Variants in CTNNA3 observed in about 807,000 individuals in gnomAD.
The protein encoded by CTNNA3 is catenin alpha-3.
Under a neutral mutation model 95.7 loss-of-function variants are expected in CTNNA3, and 76 were observed. The ratio of observed to expected loss-of-function variants is 0.79; its 90% CI spans 0.66 to 0.96. CTNNA3 has a LOEUF of 0.96. Ranked by LOEUF, CTNNA3 falls within the 40% of genes least tolerant of loss-of-function variation. The probability of loss-of-function intolerance (pLI) is 0.00; values close to 1 mark genes in which losing one functional copy is unlikely to be tolerated. For missense variants in CTNNA3, 1,191 were observed against 1,089.8 expected (o/e 1.09, Z -1.31); for synonymous variants, 431 against 374.4 (o/e 1.15, Z -1.74).
chr10:66,122,056 C>T (rs2082608572), intron 13 of CTNNA3, among the ~76,000 whole-genome samples: 1 of 151,796 alleles, frequency 6.6e-6, no homozygotes, highest in Non-Finnish European at 1.5e-5. Context: ...ACTTATCAGG[C>T]AGAGAATTTA....
Position 66,226,672 on chromosome 10 carries a change from C to A in CTNNA3, c.1884+53798G>T, listed in dbSNP as rs76050359. ...TATGGTCATTTTTATAATATTAATTCTTCCAGTCCATGAACATGGGATGTC... is the reference window on the plus strand; with the variant it reads ...TATGGTCATTTTTATAATATTAATTATTCCAGTCCATGAACATGGGATGTC... On this transcript the variant is annotated intron_variant, in intron 13 of 17. Transcript: ENST00000433211. Among the ~76,000 whole-genome samples the A allele has an allele frequency of 3.7e-3, 553 of 148,178 alleles. 2 individuals are homozygous for A. Among genetic ancestry groups the A allele is most frequent in the African/African-American group, 0.013 (535 of 40,256 alleles).
chr10:66,141,199 C>T (rs992930602), intron 13 of CTNNA3, among the ~76,000 whole-genome samples: 1 of 150,870 alleles, frequency 6.6e-6, no homozygotes, highest in Non-Finnish European at 1.5e-5. Context: ...GTGGAAGTTG[C>T]AGTGAGCTTA....
At chr10:66,075,667 C>T (rs933693398) in intron 14 of CTNNA3, among the ~76,000 whole-genome samples, 5 of 151,780 alleles carry the variant, frequency 3.3e-5, no homozygotes, top group South Asian at 2.1e-4. Context: ...AGAAATATAG[C>T]GCCATTATAA....
chr10:66,389,553 T>C (rs1041925731), intron 11 of CTNNA3, among the ~76,000 whole-genome samples: 88 of 152,120 alleles, frequency 5.8e-4, no homozygotes, highest in African/African-American at 2.0e-3. Context: ...TAGTAATACA[T>C]GGGATAATAA....
intron 13 of CTNNA3, among the ~76,000 whole-genome samples, chr10:66,126,694 T>C (rs191221321): frequency 1.3e-4 from 20 of 152,294 alleles, no homozygotes; most frequent in Admixed American, 2.6e-4. Context: ...GAGTTGTCAA[T>C]AGCCATATCT....
intron 11 of CTNNA3, among the ~76,000 whole-genome samples, chr10:66,478,703 T>C (rs1468171781): frequency 6.6e-6 from 1 of 151,834 alleles, no homozygotes; most frequent in Non-Finnish European, 1.5e-5. Flanking sequence ...TATAATGTAA[T>C]TAAAATAAAT....
At chr10:66,363,684 A>G (rs935843694) in intron 12 of CTNNA3, among the ~76,000 whole-genome samples, 5 of 152,346 alleles carry the variant, frequency 3.3e-5, no homozygotes, top group African/African-American at 1.2e-4. Flanking sequence ...ATTTTGTCAG[A>G]ACAAAATACA....
chr10:66,226,747 A>T lies in CTNNA3; in HGVS notation c.1884+53723T>A, dbSNP rs1475459936. Reference sequence around the variant, plus strand: ...TAATGTATTTCATCAATATTTTATAATTTTCATTGTAGAGAATTTTCAACT... The same window carrying T: ...TAATGTATTTCATCAATATTTTATATTTTTCATTGTAGAGAATTTTCAACT... On this transcript the variant is annotated intron_variant, in intron 13 of 17. Coordinates refer to ENST00000433211, the MANE Select transcript of CTNNA3 (RefSeq NM_013266.4). Among the ~76,000 whole-genome samples, 4 of 151,404 alleles carry T rather than the reference A, an allele frequency of 2.6e-5. No individual in the cohort carries two copies. In the East Asian group the frequency reaches 7.8e-4, roughly 29 times the overall value.
chr10:67,306,410 G>T (rs1339417233), intron 5 of CTNNA3, among the ~76,000 whole-genome samples: 1 of 152,162 alleles, frequency 6.6e-6, no homozygotes, highest in Non-Finnish European at 1.5e-5. Context: ...TATGCAAGTT[G>T]CAAGATAGGT....
At chr10:66,821,562 C>T (rs1842305122) in intron 7 of CTNNA3, among the ~76,000 whole-genome samples, 1 of 152,136 alleles carries the variant, frequency 6.6e-6, no homozygotes, top group South Asian at 2.1e-4. Context: ...CAACCTAACC[C>T]ACTGATCTTT....
At chr10:65,993,862 A>C (rs1361793231) in intron 15 of CTNNA3, among the ~76,000 whole-genome samples, 1 of 152,008 alleles carries the variant, frequency 6.6e-6, no homozygotes, top group African/African-American at 2.4e-5. Context: ...CAGCCTCCTG[A>C]GTAGCTGGGA....
intron 7 of CTNNA3, among the ~76,000 whole-genome samples, chr10:66,981,375 TAA>T (rs1850431974): frequency 6.6e-6 from 1 of 152,264 alleles, no homozygotes; most frequent in Admixed American, 6.5e-5. Flanking sequence ...CACTCAGGCA[TAA>T]GTCACCCTGC....
At chr10:66,386,058 C>T (rs1480901460) in intron 11 of CTNNA3, among the ~76,000 whole-genome samples, 2 of 152,172 alleles carry the variant, frequency 1.3e-5, no homozygotes. Flanking sequence ...CCTCACTCAC[C>T]ACTCCTACTC....
At chr10:66,357,463 A>C (rs2132411727) in intron 12 of CTNNA3, among the ~76,000 whole-genome samples, 1 of 152,276 alleles carries the variant, frequency 6.6e-6, no homozygotes, top group South Asian at 2.1e-4. Context: ...CACCCCAAAA[A>C]GAAACTCTGC....
At chr10:66,913,487 C>T (rs1033589951) in intron 7 of CTNNA3, among the ~76,000 whole-genome samples, 9 of 151,972 alleles carry the variant, frequency 5.9e-5, no homozygotes, top group Non-Finnish European at 8.8e-5. Context: ...ATCTGAAACA[C>T]GGCAGATTGA....
At chr10:66,820,330 A>G (rs956083451) in intron 7 of CTNNA3, among the ~76,000 whole-genome samples, 1 of 152,118 alleles carries the variant, frequency 6.6e-6, no homozygotes, top group South Asian at 2.1e-4. Flanking sequence ...GGGTGAGGGT[A>G]AGAAATTGAA....
At chr10:67,103,748 T>G (rs2131951942) in intron 7 of CTNNA3, among the ~76,000 whole-genome samples, 1 of 151,796 alleles carries the variant, frequency 6.6e-6, no homozygotes, top group East Asian at 1.9e-4. Flanking sequence ...TATATTATTC[T>G]GAATAATTTA....
chr10:66,845,710 A>ATAAAAAATAAAT (rs1248827088), intron 7 of CTNNA3, among the ~76,000 whole-genome samples: 1 of 85,970 alleles, frequency 1.2e-5, no homozygotes, highest in Non-Finnish European at 2.1e-5. Flanking sequence ...TCTCAAAAAA[A>ATAAAAAATAAAT]AAAAAAAAAA....
intron 2 of CTNNA3, among the ~76,000 whole-genome samples, chr10:67,641,168 C>A (rs991094356): frequency 1.7e-4 from 26 of 151,976 alleles, no homozygotes; most frequent in Non-Finnish European, 3.8e-4. Flanking sequence ...AGAAAAAAAA[C>A]AAACAACCCC....
Sources: gnomAD v4.1 joint callset for allele counts (sites outside exome capture counted in the v4.1 genomes callset) on GRCh38, gnomAD v4.1.1 for gene constraint, MANE v1.5 for transcripts, NCBI Gene and HGNC (gene_info 2026-07-23, HGNC 2026-07-21) for gene names.